The following GOLM1 variants were observed in gnomAD, a reference collection of about 807,000 sequenced individuals.
GOLM1 encodes golgi membrane protein 1.
Under a neutral mutation model 50.5 loss-of-function variants are expected in GOLM1, and 31 were observed. That is an observed-to-expected ratio of 0.61 (90% CI 0.46 to 0.83). The LOEUF (loss-of-function observed/expected upper bound fraction) is 0.83, where lower values mean the gene tolerates loss of function less well. Ranked by LOEUF, GOLM1 falls within the 40% of genes least tolerant of loss-of-function variation. GOLM1 has a pLI of 0.00. For synonymous variants in GOLM1, 178 were observed against 192.8 expected (o/e 0.92, Z 0.64); for missense variants, 491 against 501.3 (o/e 0.98, Z 0.20).
chr9:86,036,647 A>G, intron 6 of GOLM1, 140 bp from the exon 7 acceptor site: 2 of 794,408 alleles, frequency 2.5e-6, no homozygotes, highest in Non-Finnish European at 2.0e-6. Flanking sequence ...GCCACAGTCT[A>G]CTCTGGTCAC....
chr9:86,068,126 G>C (rs192430724), intron 3 of GOLM1, among the ~76,000 whole-genome samples: 2 of 152,158 alleles, frequency 1.3e-5, no homozygotes, highest in African/African-American at 4.8e-5. Context: ...GTTCTTATAA[G>C]AGGAGGAGAA....
At chr9:86,029,037 T>G (rs1832884457) in intron 9 of GOLM1, among the ~76,000 whole-genome samples, 1 of 151,880 alleles carries the variant, frequency 6.6e-6, no homozygotes, top group African/African-American at 2.4e-5. Flanking sequence ...TGTTGTAGTT[T>G]TAGTAGAGGC....
chr9:86,072,603 G>C (rs1283942111), intron 3 of GOLM1, among the ~76,000 whole-genome samples: 1 of 152,182 alleles, frequency 6.6e-6, no homozygotes, highest in Non-Finnish European at 1.5e-5. Context: ...CAGTAAATGT[G>C]GGTAAAGATG....
intron 5 of GOLM1, among the ~76,000 whole-genome samples, chr9:86,045,264 C>T (rs1833500296): frequency 6.7e-6 from 1 of 150,160 alleles, no homozygotes; most frequent in Non-Finnish European, 1.5e-5. Flanking sequence ...GGCTGGAGAA[C>T]TGCTTGAACC....
At position 86,070,363 on chromosome 9, in the gene GOLM1, G is replaced by A. The variant is rs747010691; in HGVS notation, c.309+7049C>T. On this transcript the variant is annotated intron_variant, in intron 3 of 9. Coordinates refer to ENST00000388712, the MANE Select transcript of GOLM1 (RefSeq NM_016548.4). ...CCAAGGTGGGCGGATCACGAGCTCA[G>A]GAGTTCAAGACCAGCCTGGCCAGGA... is the stretch of plus-strand genomic sequence containing the variant. Among the ~76,000 whole-genome samples, 50 of 152,022 alleles carry A rather than the reference G, an allele frequency of 3.3e-4. 1 individual carries two copies. The highest frequency in any genetic ancestry group is 2.0e-4 in the East Asian group (1 of 5,110).
At chr9:86,081,867 C>T (rs575362835) in intron 1 of GOLM1, among the ~76,000 whole-genome samples, 7 of 149,102 alleles carry the variant, frequency 4.7e-5, no homozygotes, top group Admixed American at 2.7e-4. Flanking sequence ...CCAGCCTGGG[C>T]GACAGAGCGA....
At chr9:86,086,168 C>A (rs1390631522) in intron 1 of GOLM1, among the ~76,000 whole-genome samples, 1 of 152,212 alleles carries the variant, frequency 6.6e-6, no homozygotes, top group Non-Finnish European at 1.5e-5. Context: ...ACCATTCTAA[C>A]TGGCGTGAGA....
chr9:86,027,493 A>C lies in GOLM1; in HGVS notation c.*324T>G. The C allele has an allele frequency of 1.8e-6, 2 of 1,118,272 alleles. No homozygotes were observed. The highest frequency in any genetic ancestry group is 2.2e-6 in the Non-Finnish European group (2 of 914,184). The allele number at this position is 1,118,272 out of a possible 1,614,324, so 69.3% of individuals were successfully genotyped here. On this transcript the variant is annotated 3_prime_UTR_variant, in exon 10 of 10. Coordinates refer to ENST00000388712, the MANE Select transcript of GOLM1 (RefSeq NM_016548.4). ...TATAGGTGGCTGTTAATTTACACAA[A>C]GTTATATTCCAGAATCAGGAAGCCC...
intron 1 of GOLM1, among the ~76,000 whole-genome samples, chr9:86,093,656 T>C (rs569036620): frequency 6.6e-6 from 1 of 152,186 alleles, no homozygotes; most frequent in South Asian, 2.1e-4. Flanking sequence ...TTCAACCTAT[T>C]GGTTAAAATT....
chr9:86,088,420 G>GTGTGTATATATATA (rs1157260470), intron 1 of GOLM1, among the ~76,000 whole-genome samples: 2 of 86,306 alleles, frequency 2.3e-5, no homozygotes, highest in Admixed American at 1.2e-4. Context: ...TTTGAAGGGT[G>GTGTGTATATATATA]TATATATATA....
In GOLM1 at chr9:86,027,744, G is replaced by T; in HGVS notation, c.*73C>A. 6.5e-7 allele frequency: 1 copy of T among 1,547,656 alleles called. No homozygotes were observed. Among genetic ancestry groups the T allele is most frequent in the Non-Finnish European group, 8.7e-7 (1 of 1,148,352 alleles). On this transcript the variant is annotated 3_prime_UTR_variant, in exon 10 of 10. Coordinates refer to ENST00000388712, the MANE Select transcript of GOLM1 (RefSeq NM_016548.4). ...TATTTAGTACATTTCACAGTTTTCA[G>T]TATTCAGTCCCTCATGAACATTTTA...
chr9:86,041,834 T>C (rs1424608946), intron 5 of GOLM1, among the ~76,000 whole-genome samples: 2 of 152,100 alleles, frequency 1.3e-5, no homozygotes, highest in Non-Finnish European at 2.9e-5. Flanking sequence ...AAACTTGAAC[T>C]GGGGCCAGGC....
intron 1 of GOLM1, among the ~76,000 whole-genome samples, chr9:86,080,790 T>C (rs1265528289): frequency 6.6e-6 from 1 of 151,550 alleles, no homozygotes; most frequent in Admixed American, 6.6e-5. Context: ...GGAAACCACG[T>C]TTTTCTTTCA....
intron 5 of GOLM1, among the ~76,000 whole-genome samples, chr9:86,043,444 GAT>G (rs1437504834): frequency 2.0e-5 from 3 of 152,186 alleles, no homozygotes; most frequent in Non-Finnish European, 2.9e-5. Context: ...AGGGCGTGCA[GAT>G]ATGTTTCAGA....
intron 7 of GOLM1, 46 bp from the exon 8 acceptor site, chr9:86,035,671 TAAAAAAAAAAAA>T (rs375193474): frequency 1.7e-5 from 15 of 872,644 alleles, no homozygotes; most frequent in Admixed American, 2.9e-5. Context: ...GCATTTGATT[TAAAAAAAAAAAA>T]AAAAAAAAAA....
rs1321241792 is a variant in GOLM1 at position 86,036,289 on chromosome 9, GCTT to G, written c.757+56_757+58del. 3 of 1,569,160 alleles carry G rather than the reference GCTT, an allele frequency of 1.9e-6. No individual in the cohort carries two copies. The African/African-American group carries it at 4.1e-5, about 21-fold the overall frequency. On this transcript the variant is annotated intron_variant, in intron 7 of 9. Coordinates refer to ENST00000388712, the MANE Select transcript of GOLM1 (RefSeq NM_016548.4). ...ACTGCCTCAGCAGCTCGCTGGGACT[GCTT>G]CCTCTGATGGGGCTCTGGAGAGCTG...
In GOLM1 at chr9:86,031,143, G is replaced by C. The variant is rs540487822; in HGVS notation, c.1129+2139C>G. On this transcript the variant is annotated intron_variant, in intron 9 of 9. Transcript: ENST00000388712. The stretch of plus-strand genomic sequence containing the variant: ...GAGAATCGCTTGAACCCGGGAGGCA[G>C]AGGTTGCAGTGAGCCGAGATCGCAC... 5.9e-5 allele frequency among the ~76,000 whole-genome samples: 9 copies of C among 152,146 alleles called. No individual in the cohort carries two copies. In the South Asian group the frequency reaches 1.9e-3, roughly 32 times the overall value.
chr9:86,045,120 C>T (rs1185018749), intron 5 of GOLM1, among the ~76,000 whole-genome samples: 3 of 151,970 alleles, frequency 2.0e-5, no homozygotes, highest in East Asian at 1.9e-4. Flanking sequence ...CGTGTAATCC[C>T]AGCACTTTGG....
Position 86,036,389 on chromosome 9 carries a change from C to G in GOLM1, c.716G>C (p.Ser239Thr), listed in dbSNP as rs775580962. ...GNSKSQTPAPSSEVVLDSKRQ... is the reference protein window; with the variant it reads ...GNSKSQTPAPTSEVVLDSKRQ... ...CTTTGAATCCAAAACCACTTCGGAACTGGGGGCTGGTGTCTGGGACTTGCT... is the reference window on the plus strand; with the variant it reads ...CTTTGAATCCAAAACCACTTCGGAAGTGGGGGCTGGTGTCTGGGACTTGCT... Residue 239 changes from serine to threonine, a missense_variant, in exon 7 of 10, where the codon AGT becomes ACT. Transcript: ENST00000388712. 6.2e-7 allele frequency: 1 copy of G among 1,614,216 alleles called. No individual in the cohort carries two copies. Among genetic ancestry groups the G allele is most frequent in the Non-Finnish European group, 8.5e-7 (1 of 1,180,034 alleles).
Sources: allele counts gnomAD v4.1 joint callset (sites outside exome capture counted in the v4.1 genomes callset), GRCh38; gene constraint gnomAD v4.1.1; transcripts MANE v1.5; gene names NCBI Gene and HGNC (gene_info 2026-07-23, HGNC 2026-07-21).